DCAF1: variants seen among roughly 807,000 people sequenced by gnomAD.
DCAF1 encodes DDB1- and CUL4-associated factor 1.
Under a neutral mutation model 128.0 loss-of-function variants are expected in DCAF1, and 15 were observed. That is an observed-to-expected ratio of 0.12 (90% CI 0.08 to 0.18). The LOEUF (loss-of-function observed/expected upper bound fraction) is 0.18. DCAF1 is among the 10% of genes least tolerant of loss of function. DCAF1 has a pLI of 1.00. For missense variants in DCAF1, 988 were observed against 1,649.5 expected (o/e 0.60, Z 6.95); for synonymous variants, 610 against 603.0 (o/e 1.01, Z -0.17).
intron 20 of DCAF1, 117 bp from the exon 21 acceptor site, chr3:51,413,503 A>G (rs1365458230): frequency 1.4e-6 from 2 of 1,448,840 alleles, no homozygotes; most frequent in East Asian, 2.5e-5. Context: ...GTTTACATAC[A>G]AATTCCCTTG....
intron 24 of DCAF1, among the ~76,000 whole-genome samples, chr3:51,399,269 G>A (rs2089466515): frequency 6.6e-6 from 1 of 152,186 alleles, no homozygotes; most frequent in African/African-American, 2.4e-5. Flanking sequence ...CTAAGACCAG[G>A]CAAAAGTGAG....
intron 3 of DCAF1, among the ~76,000 whole-genome samples, chr3:51,477,175 C>A (rs936105714): frequency 2.0e-5 from 3 of 151,908 alleles, no homozygotes; most frequent in African/African-American, 7.3e-5. Context: ...AGGATGAATT[C>A]AAGTTACAAA....
chr3:51,489,090 C>A (rs563466808), intron 2 of DCAF1, among the ~76,000 whole-genome samples: 30 of 152,144 alleles, frequency 2.0e-4, no homozygotes, highest in African/African-American at 6.5e-4. Flanking sequence ...CCCCAAAAAT[C>A]GGAAACCAGA....
At chr3:51,475,875 G>T (rs1553650376) in intron 3 of DCAF1, among the ~76,000 whole-genome samples, 1 of 150,992 alleles carries the variant, frequency 6.6e-6, no homozygotes, top group Non-Finnish European at 1.5e-5. Context: ...AAAAAAAAAA[G>T]GTGGCTTTTG....
chr3:51,441,903 A>G lies in DCAF1; in HGVS notation c.514-6T>C. 3 of 1,581,820 alleles carry G rather than the reference A, an allele frequency of 1.9e-6. No homozygotes were observed. Among genetic ancestry groups the G allele is most frequent in the Non-Finnish European group, 2.6e-6 (3 of 1,172,156 alleles). The stretch of plus-strand genomic sequence containing the variant: ...CTTCGAAGCACTATTGCCACCTATC[A>G]ACAGATAATTGGAGAAAAAGGGGGT... On this transcript the variant is annotated splice_polypyrimidine_tract_variant and splice_region_variant and intron_variant, in intron 7 of 24. Transcript: ENST00000684031.
intron 1 of DCAF1, among the ~76,000 whole-genome samples, chr3:51,499,274 G>C (rs1559594274): frequency 6.6e-6 from 1 of 152,242 alleles, no homozygotes; most frequent in Non-Finnish European, 1.5e-5. Flanking sequence ...CAGGCTGCGG[G>C]ACCCGCACAC....
intron 9 of DCAF1, among the ~76,000 whole-genome samples, chr3:51,439,767 G>A (rs1256254068): frequency 1.3e-5 from 2 of 152,070 alleles, no homozygotes; most frequent in Non-Finnish European, 2.9e-5. Context: ...TGAGGCGAGT[G>A]GTTCACTTGA....
At chr3:51,469,993 G>A (rs1217948944) in intron 4 of DCAF1, among the ~76,000 whole-genome samples, 1 of 151,806 alleles carries the variant, frequency 6.6e-6, no homozygotes, top group Admixed American at 6.6e-5. Flanking sequence ...TGCACTGCCG[G>A]CTGGGCGACA....
intron 3 of DCAF1, among the ~76,000 whole-genome samples, chr3:51,476,440 G>C (rs572183369): frequency 4.1e-4 from 62 of 151,454 alleles, no homozygotes; most frequent in Middle Eastern, 3.4e-3. Flanking sequence ...TTAATTTAGG[G>C]TAGCTATTGA....
Position 51,427,395 on chromosome 3 carries a change from G to A in DCAF1, c.1824C>T (p.Cys608=). The part of the protein sequence containing the change: ...QLLLQLISIA[C]NWKTYYARND... ...ACCTTGCATAATAGGTCTTCCAATT[G>A]CAGGCAATAGAAATAAGCTGCAACA... The change falls in exon 13 of 25, where the codon TGC becomes TGT. Residue 608 remains cysteine, a synonymous_variant. Transcript: ENST00000684031. The A allele has an allele frequency of 1.3e-6, 1 of 766,078 alleles. No homozygotes were observed. Among genetic ancestry groups the A allele is most frequent in the Non-Finnish European group, 2.4e-6 (1 of 413,030 alleles). 47.5% of individuals were successfully genotyped at this position (766,078 alleles called of 1,614,324 possible).
intron 23 of DCAF1, among the ~76,000 whole-genome samples, chr3:51,409,661 G>A (rs1179067992): frequency 2.0e-5 from 3 of 152,194 alleles, no homozygotes. Context: ...CCATTGTAAT[G>A]TACGCGCAAA....
intron 2 of DCAF1, among the ~76,000 whole-genome samples, chr3:51,494,022 G>A (rs571407168): frequency 6.6e-6 from 1 of 151,224 alleles, no homozygotes; most frequent in South Asian, 2.1e-4. Context: ...GTTGAAATAG[G>A]TAAATCAATA....
At chr3:51,441,329 C>A in intron 8 of DCAF1, 56 bp downstream of exon 8, 2 of 1,531,826 alleles carry the variant, frequency 1.3e-6, no homozygotes, top group Admixed American at 2.1e-5. Flanking sequence ...TAAAATACCA[C>A]AGAAATGAAC....
chr3:51,449,692 G>A (rs1451483118), intron 6 of DCAF1, among the ~76,000 whole-genome samples: 1 of 151,888 alleles, frequency 6.6e-6, no homozygotes, highest in Admixed American at 6.6e-5. Context: ...GAAAAATACA[G>A]AAAGTCAATG....
intron 3 of DCAF1, among the ~76,000 whole-genome samples, chr3:51,480,573 T>C (rs1577289660): frequency 8.1e-6 from 1 of 122,726 alleles, no homozygotes; most frequent in South Asian, 2.6e-4. Flanking sequence ...CACTCCAGCC[T>C]GGGCGACAGA....
chr3:51,427,272 A>C (rs550561870), intron 13 of DCAF1, 100 bp downstream of exon 13: 1 of 578,254 alleles, frequency 1.7e-6, no homozygotes, highest in African/African-American at 1.9e-5. Flanking sequence ...TTTCAATTCA[A>C]TTCAACAAAT....
intron 24 of DCAF1, among the ~76,000 whole-genome samples, chr3:51,400,920 C>T (rs928956354): frequency 1.3e-5 from 2 of 151,992 alleles, no homozygotes; most frequent in Middle Eastern, 3.2e-3. Context: ...ATCACGACGT[C>T]AGGAGATCAA....
chr3:51,479,240 C>T (rs1295270683), intron 3 of DCAF1, among the ~76,000 whole-genome samples: 3 of 152,200 alleles, frequency 2.0e-5, no homozygotes, highest in Non-Finnish European at 4.4e-5. Context: ...GTGGCTCACG[C>T]CTATAATCTC....
intron 14 of DCAF1, 120 bp downstream of exon 14, chr3:51,422,187 C>T (rs1354257039): frequency 4.7e-6 from 3 of 641,542 alleles, no homozygotes; most frequent in Non-Finnish European, 5.7e-6. Flanking sequence ...ACAAGGAGCC[C>T]CCCTCTACTA....
Sources: gnomAD v4.1 joint callset for allele counts (sites outside exome capture counted in the v4.1 genomes callset) on GRCh38, gnomAD v4.1.1 for gene constraint, MANE v1.5 for transcripts, NCBI Gene and HGNC (gene_info 2026-07-23, HGNC 2026-07-21) for gene names.